Variants in TNS1 observed in about 807,000 individuals in gnomAD.
The protein encoded by TNS1 is tensin-1.
A neutral mutation model predicts 168.6 loss-of-function variants in TNS1; 62 were observed. The observed-to-expected ratio is 0.37, with a 90% CI of 0.30 to 0.45. The LOEUF (loss-of-function observed/expected upper bound fraction) is 0.45. Ranked by LOEUF, TNS1 falls within the 20% of genes least tolerant of loss-of-function variation. The pLI, the probability that TNS1 is intolerant of heterozygous loss-of-function variation, is 1.00. For missense variants in TNS1, 2,240 were observed against 2,339.4 expected (o/e 0.96, Z 0.88); for synonymous variants, 934 against 933.2 (o/e 1.00, Z -0.02).
chr2:217,845,430 T>C (rs888115493), intron 19 of TNS1, among the ~76,000 whole-genome samples: 1 of 152,240 alleles, frequency 6.6e-6, no homozygotes, highest in Non-Finnish European at 1.5e-5. Flanking sequence ...GCAGATACCC[T>C]GAAAGGCTAC....
Position 217,934,632 on chromosome 2 carries a change from A to C in TNS1, c.187-14396T>G, listed in dbSNP as rs1025312397. On this transcript the variant is annotated intron_variant, in intron 3 of 32. Coordinates refer to ENST00000682258, the MANE Select transcript of TNS1 (RefSeq NM_001387777.1). Reference sequence around the variant, plus strand: ...ATCCTGCCAAGCGTATCCCCACCTGAGTCACTGGGACAGAGACGGGAGATT... The same window carrying C: ...ATCCTGCCAAGCGTATCCCCACCTGCGTCACTGGGACAGAGACGGGAGATT... Among the ~76,000 whole-genome samples, 33 of 152,158 alleles carry C rather than the reference A, an allele frequency of 2.2e-4. 1 individual carries two copies. The highest frequency in any genetic ancestry group is 7.2e-4 in the African/African-American group (30 of 41,424).
intron 18 of TNS1, among the ~76,000 whole-genome samples, chr2:217,865,967 C>G (rs1016687411): frequency 1.6e-4 from 24 of 152,222 alleles, no homozygotes; most frequent in African/African-American, 5.5e-4. Context: ...CCTACCTAGA[C>G]AGATGCGTGG....
rs1458714036 is a variant in TNS1, at chr2:217,948,334, G to C, written c.187-28098C>G. ...ACTCTCTTCTTCCCCCTCCATCACA[G>C]AGAAGGAAGGGCCACATGCCCAGGT... On this transcript the variant is annotated intron_variant, in intron 3 of 32. Coordinates refer to ENST00000682258, the MANE Select transcript of TNS1 (RefSeq NM_001387777.1). The surrounding 1 kb of genome is among the most constrained non-coding windows in gnomAD (Gnocchi z 4.1). Among the ~76,000 whole-genome samples the C allele has an allele frequency of 2.0e-5, 3 of 152,170 alleles. No individual in the cohort carries two copies. Among genetic ancestry groups the C allele is most frequent in the East Asian group, 1.9e-4 (1 of 5,190 alleles).
At chr2:217,805,454 T>TCACACACACCA (rs1938367606) in intron 32 of TNS1, among the ~76,000 whole-genome samples, 7 of 38,370 alleles carry the variant, frequency 1.8e-4, no homozygotes, top group Admixed American at 6.7e-4. Flanking sequence ...ATACACACCA[T>TCACACACACCA]CACACACACC....
chr2:217,892,892 G>A (rs1010907161), intron 11 of TNS1, 56 bp downstream of exon 11: 8 of 1,572,622 alleles, frequency 5.1e-6, no homozygotes, highest in Non-Finnish European at 7.0e-6. Flanking sequence ...GTGGATGAGA[G>A]GAGGGGGGTC....
intron 18 of TNS1, among the ~76,000 whole-genome samples, chr2:217,878,605 C>T (rs1012445542): frequency 5.3e-5 from 8 of 152,166 alleles, no homozygotes; most frequent in Non-Finnish European, 7.3e-5. Flanking sequence ...GTCTTGCAGG[C>T]GCCTGACACA....
chr2:217,959,485 A>C (rs1235825283), intron 3 of TNS1, among the ~76,000 whole-genome samples: 1 of 151,916 alleles, frequency 6.6e-6, no homozygotes, highest in Non-Finnish European at 1.5e-5. Flanking sequence ...CTAGTGCCTT[A>C]GCATGGAATC....
upstream of TNS1, among the ~76,000 whole-genome samples, chr2:218,004,182 C>T (rs760908151): frequency 1.5e-4 from 23 of 152,358 alleles, no homozygotes; most frequent in Middle Eastern, 3.4e-3. Flanking sequence ...CCTGTGGACA[C>T]ACACACACAC....
chr2:217,976,548 TCTCCCCCA>T (rs1013971096), intron 3 of TNS1, among the ~76,000 whole-genome samples: 2 of 152,172 alleles, frequency 1.3e-5, no homozygotes, highest in African/African-American at 4.8e-5. Context: ...CAGTCTACCC[TCTCCCCCA>T]CTTAGTTGGC....
upstream of TNS1, among the ~76,000 whole-genome samples, chr2:218,011,372 C>T (rs1489350855): frequency 6.6e-6 from 1 of 151,918 alleles, no homozygotes; most frequent in Non-Finnish European, 1.5e-5. Flanking sequence ...GGAGGGGCAC[C>T]CATGAGCATT....
intron 2 of TNS1, among the ~76,000 whole-genome samples, chr2:217,981,104 T>C (rs1366466096): frequency 2.0e-5 from 3 of 152,202 alleles, no homozygotes; most frequent in Non-Finnish European, 4.4e-5. Context: ...TCCTTTGCAC[T>C]GTAGCCCCAG....
intron 19 of TNS1, 87 bp from the exon 20 acceptor site, chr2:217,836,298 C>T (rs1335872532): frequency 2.3e-6 from 3 of 1,327,300 alleles, no homozygotes; most frequent in South Asian, 3.0e-5. Context: ...GAAGGCAGTG[C>T]CTCCTAGCTC....
chr2:217,907,171 G>T (rs1429296166), intron 5 of TNS1, 39 bp downstream of exon 5: 2 of 702,592 alleles, frequency 2.8e-6, no homozygotes, highest in Admixed American at 2.0e-5. Flanking sequence ...ACCTGCCCAG[G>T]CTGTTCCAGC....
intron 3 of TNS1, among the ~76,000 whole-genome samples, chr2:217,921,249 G>T (rs1955675595): frequency 6.6e-6 from 1 of 152,146 alleles, no homozygotes; most frequent in South Asian, 2.1e-4. Context: ...CCAGGCAAGG[G>T]GCCCACAGTG....
At chr2:217,825,433 A>G (rs186784198) in intron 22 of TNS1, among the ~76,000 whole-genome samples, 1 of 152,142 alleles carries the variant, frequency 6.6e-6, no homozygotes, top group East Asian at 1.9e-4. Context: ...GTGCTTTACC[A>G]TCCCTCACTG....
chr2:217,930,339 G>C (rs1348224739), intron 3 of TNS1, among the ~76,000 whole-genome samples: 3 of 152,040 alleles, frequency 2.0e-5, no homozygotes, highest in African/African-American at 7.2e-5. Flanking sequence ...TCCCAGTCGG[G>C]GGTCACAGAA....
intron 3 of TNS1, among the ~76,000 whole-genome samples, chr2:217,922,152 A>G (rs905238864): frequency 3.9e-5 from 6 of 152,190 alleles, no homozygotes; most frequent in African/African-American, 1.2e-4. Flanking sequence ...AGAGGGTGCC[A>G]GGGTAACAGA....
At chr2:217,933,834 G>A (rs1034062872) in intron 3 of TNS1, among the ~76,000 whole-genome samples, 12 of 152,278 alleles carry the variant, frequency 7.9e-5, no homozygotes, top group Admixed American at 2.0e-4. Context: ...TGGAAGAGCA[G>A]GTGCACAAAC....
chr2:217,838,342 C>T (rs1270518552), intron 19 of TNS1, among the ~76,000 whole-genome samples: 1 of 152,242 alleles, frequency 6.6e-6, no homozygotes, highest in African/African-American at 2.4e-5. Flanking sequence ...GCCACAGATG[C>T]CTGCAGCAGC....
Sources: gnomAD v4.1 joint callset for allele counts (sites outside exome capture counted in the v4.1 genomes callset) on GRCh38, gnomAD v4.1.1 for gene constraint, Gnocchi (gnomAD v3.1) non-coding constraint, MANE v1.5 for transcripts, NCBI Gene and HGNC (gene_info 2026-07-23, HGNC 2026-07-21) for gene names.